The following PLEKHH1 variants were observed in gnomAD, a reference collection of about 807,000 sequenced individuals.
The protein encoded by PLEKHH1 is pleckstrin homology domain-containing family H member 1.
A neutral mutation model predicts 160.0 loss-of-function variants in PLEKHH1; 104 were observed. The observed-to-expected ratio is 0.65, with a 90% CI of 0.55 to 0.76. The LOEUF (loss-of-function observed/expected upper bound fraction) is 0.76. Ranked by LOEUF, PLEKHH1 falls within the 30% of genes least tolerant of loss-of-function variation. PLEKHH1 has a pLI of 0.00. For missense variants in PLEKHH1, 1,427 were observed against 1,724.1 expected, an observed-to-expected ratio of 0.83 and a Z score of 3.05; for synonymous variants, 619 against 678.4, an observed-to-expected ratio of 0.91 and a Z score of 1.36.
At chr14:67,586,222 G>C (rs2036155004) in intron 28 of PLEKHH1, 125 bp downstream of exon 28, 1 of 1,226,844 alleles carries the variant, frequency 8.2e-7, no homozygotes, top group Non-Finnish European at 1.2e-6. Context: ...TGTTGGTCTT[G>C]TCTGTAATTA....
At chr14:67,567,205 C>T (rs1343610558) in intron 7 of PLEKHH1, among the ~76,000 whole-genome samples, 1 of 152,148 alleles carries the variant, frequency 6.6e-6, no homozygotes, top group African/African-American at 2.4e-5. Context: ...CTCTCTCTCC[C>T]AGGCAGGACC....
chr14:67,576,252 G>C lies in PLEKHH1; in HGVS notation c.2353-143G>C. 1.6e-6 allele frequency: 1 copy of C among 619,786 alleles called. No homozygotes were observed. The highest frequency in any genetic ancestry group is 2.0e-5 in the South Asian group (1 of 49,740). 38.4% of individuals were successfully genotyped at this position (619,786 alleles called of 1,614,324 possible). A position where few individuals can be genotyped will look rare whatever the true frequency, so the allele number is the denominator to read the frequency against. On this transcript the variant is annotated intron_variant, in intron 16 of 28. Coordinates refer to ENST00000329153, the MANE Select transcript of PLEKHH1 (RefSeq NM_020715.3). This position sits in a 1 kb window ranked among gnomAD's most constrained non-coding sequence, Gnocchi z 4.0. ...TGGGTTCATGTTCACCTGATCCTCA[G>C]TCTTTCCAGGTAGCCCTGACTCATG...
At chr14:67,559,204 GT>G (rs903309577) in intron 4 of PLEKHH1, among the ~76,000 whole-genome samples, 2 of 149,792 alleles carry the variant, frequency 1.3e-5, no homozygotes, top group African/African-American at 4.9e-5. Context: ...TTATTTTTTT[GT>G]TTTTTAACTA....
At chr14:67,579,932 T>G (rs1309339353) in intron 22 of PLEKHH1, 56 bp downstream of exon 22, 1 of 1,502,800 alleles carries the variant, frequency 6.7e-7, no homozygotes, top group Admixed American at 2.0e-5. Flanking sequence ...ATATTGGTGG[T>G]GGGGAAAGAG....
chr14:67,555,692 T>G lies in PLEKHH1; in HGVS notation c.127-133T>G, dbSNP rs563962011. ...CTTGAAAATCCTTACCCTGACACTC[T>G]CGAGCCACTTGAGATGGGCACTTGA... On this transcript the variant is annotated intron_variant, in intron 2 of 28. Coordinates refer to ENST00000329153, the MANE Select transcript of PLEKHH1 (RefSeq NM_020715.3). 295 of 1,313,360 alleles carry G rather than the reference T, an allele frequency of 2.2e-4. No homozygotes were observed. In the African/African-American group the frequency reaches 4.0e-3, roughly 18 times the overall value. 81.4% of individuals were successfully genotyped at this position (1,313,360 alleles called of 1,614,324 possible). A position where few individuals can be genotyped will look rare whatever the true frequency, so the allele number is the denominator to read the frequency against.
chr14:67,566,439 G>A (rs560270350), intron 7 of PLEKHH1, among the ~76,000 whole-genome samples: 2 of 152,214 alleles, frequency 1.3e-5, no homozygotes, highest in Admixed American at 1.3e-4. Context: ...GCCATTCACT[G>A]TGATAGCTTA....
chr14:67,535,885 C>T (rs557185948), intron 1 of PLEKHH1, among the ~76,000 whole-genome samples: 18 of 152,186 alleles, frequency 1.2e-4, no homozygotes, highest in African/African-American at 1.4e-4. Flanking sequence ...GGTTAAATGA[C>T]GGTTTCATAT....
chr14:67,589,387 C>G lies in PLEKHH1; in HGVS notation c.*2152C>G. The G allele has an allele frequency of 1.0e-6, 1 of 985,076 alleles. No individual in the cohort carries two copies. The highest frequency in any genetic ancestry group is 1.2e-6 in the Non-Finnish European group (1 of 829,686). The allele number at this position is 985,076 out of a possible 1,614,324, so 61.0% of individuals were successfully genotyped here. A position where few individuals can be genotyped will look rare whatever the true frequency, so the allele number is the denominator to read the frequency against. On this transcript the variant is annotated 3_prime_UTR_variant, in exon 29 of 29. Transcript: ENST00000329153. The stretch of plus-strand genomic sequence containing the variant: ...AACCAAAGTCCAATTTCTGTCTGGC[C>G]TTTTGTCTCATCCTTCTTGGCAAAA...
Position 67,580,968 on chromosome 14 carries a change from G to A in PLEKHH1, c.3214G>A (p.Ala1072Thr), listed in dbSNP as rs781098083. The part of the protein sequence containing the change: ...ICDAISKWEQ[A>T]MKELHPGKSE... ...TGATGCCATCTCCAAGTGGGAACAA[G>A]CCATGAAGGAGCTGCACCCCGGAAA... Residue 1072 changes from alanine to threonine, a missense_variant, in exon 23 of 29, where the codon GCC (alanine) becomes ACC (threonine). Ala to Thr is a moderately conservative substitution (Grantham distance 58, BLOSUM62 0). This residue lies in a region of PLEKHH1 where 436 missense variants were observed against 607.5 expected (regional missense o/e 0.72). Coordinates refer to ENST00000329153, the MANE Select transcript of PLEKHH1 (RefSeq NM_020715.3). 13 of 1,613,318 alleles carry A rather than the reference G, an allele frequency of 8.1e-6. No individual in the cohort carries two copies. Among genetic ancestry groups the A allele is most frequent in the African/African-American group, 4.0e-5 (3 of 74,918 alleles).
chr14:67,574,316 C>A lies in PLEKHH1; in HGVS notation c.2001C>A (p.Leu667=), dbSNP rs752911418. The change falls in exon 14 of 29, where the codon CTC becomes CTA. Residue 667 remains leucine (L), a synonymous_variant. Transcript: ENST00000329153. The surrounding 1 kb of genome is among the most constrained non-coding windows in gnomAD (Gnocchi z 4.2). ...PSLLEEWIRV[L]QSLLKVQATG... ...TGCTGGAGGAGTGGATCCGAGTACT[C>A]CAGAGCCTGCTGAAGGTGCAGGCCA... 6.2e-7 allele frequency: 1 copy of A among 1,605,510 alleles called. No individual in the cohort carries two copies. The highest frequency in any genetic ancestry group is 8.5e-7 in the Non-Finnish European group (1 of 1,176,092).
At chr14:67,536,425 A>G (rs2033721195) in intron 1 of PLEKHH1, among the ~76,000 whole-genome samples, 1 of 151,820 alleles carries the variant, frequency 6.6e-6, no homozygotes. Context: ...TAGCAAGTGG[A>G]AGTCATACAG....
rs762222954 is a variant in PLEKHH1 at position 67,573,721 on chromosome 14, G to A, written c.1840-80G>A. 1.1e-6 allele frequency: 1 copy of A among 908,940 alleles called. No individual in the cohort carries two copies. The highest frequency in any genetic ancestry group is 1.9e-6 in the Non-Finnish European group (1 of 537,558). The allele number at this position is 908,940 out of a possible 1,614,324, so 56.3% of individuals were successfully genotyped here. ...CATGTTTCCCTTTGCTTATGACGTG[G>A]AGGAAGATCTGAGGGTAAATGAGGT... On this transcript the variant is annotated intron_variant, in intron 12 of 28. Coordinates refer to ENST00000329153, the MANE Select transcript of PLEKHH1 (RefSeq NM_020715.3). This position sits in a 1 kb window ranked among gnomAD's most constrained non-coding sequence, Gnocchi z 4.8.
chr14:67,570,369 A>G (rs2035313276), intron 9 of PLEKHH1: 1 of 847,404 alleles, frequency 1.2e-6, no homozygotes, highest in African/African-American at 1.8e-5. Context: ...CCGTAACGTC[A>G]CTACATTTTA....
At chr14:67,541,778 G>A (rs1293820325) in intron 1 of PLEKHH1, 56 bp from the exon 2 acceptor site, 2 of 1,245,828 alleles carry the variant, frequency 1.6e-6, no homozygotes, top group Non-Finnish European at 1.1e-6. Context: ...TTTCCCCACA[G>A]AACTCTTCCT....
intron 1 of PLEKHH1, among the ~76,000 whole-genome samples, chr14:67,538,030 A>G (rs2033809591): frequency 6.6e-6 from 1 of 152,184 alleles, no homozygotes; most frequent in African/African-American, 2.4e-5. Flanking sequence ...GCTGATCGTA[A>G]TTTTAGCGGG....
intron 23 of PLEKHH1, among the ~76,000 whole-genome samples, chr14:67,581,412 C>T (rs1221231315): frequency 6.6e-6 from 1 of 152,080 alleles, no homozygotes; most frequent in Non-Finnish European, 1.5e-5. Flanking sequence ...GTAGTCCCAG[C>T]TACTCAGGGG....
rs2034872144 is a variant in PLEKHH1 at position 67,562,210 on chromosome 14, A to G, written c.579A>G (p.Ser193=). The change falls in exon 7 of 29, where the codon TCA becomes TCG. Residue 193 remains serine (S), a synonymous_variant. Transcript: ENST00000329153. Reference sequence around the variant, plus strand: ...CTGCAGAGCAGGATTCTGTCCCTTCAGAGCCGGGAATCCAGCCTATGGGCC... The same window carrying G: ...CTGCAGAGCAGGATTCTGTCCCTTCGGAGCCGGGAATCCAGCCTATGGGCC... The part of the protein sequence containing the change: ...YGAAEQDSVP[S]EPGIQPMGQD... 1 of 1,611,666 alleles carries G rather than the reference A, an allele frequency of 6.2e-7. No homozygotes were observed. The highest frequency in any genetic ancestry group is 1.3e-5 in the African/African-American group (1 of 74,890).
At chr14:67,569,350 A>C (rs1205261939) in intron 8 of PLEKHH1, 134 bp downstream of exon 8, 1 of 617,282 alleles carries the variant, frequency 1.6e-6, no homozygotes, top group African/African-American at 1.8e-5. Context: ...CCAGCAGGTG[A>C]AGTTCAGGTG....
rs954195138 is a variant in PLEKHH1, at chr14:67,569,004, C to T, written c.1264-134C>T. The stretch of plus-strand genomic sequence containing the variant: ...AGTCTCAGAAATGAAGTAACTTGCC[C>T]AAGATTTGTTAGCCAGTCACTGCCC... On this transcript the variant is annotated intron_variant, in intron 7 of 28. Transcript: ENST00000329153. 4.1e-5 allele frequency: 25 copies of T among 604,000 alleles called. 1 individual carries two copies. The highest frequency in any genetic ancestry group is 4.1e-5 in the Non-Finnish European group (14 of 340,610). 37.4% of individuals were successfully genotyped at this position (604,000 alleles called of 1,614,324 possible).
Sources: allele counts gnomAD v4.1 joint callset (sites outside exome capture counted in the v4.1 genomes callset), GRCh38; gene constraint gnomAD v4.1.1; regional missense constraint gnomAD v4.1.1; non-coding constraint Gnocchi (gnomAD v3.1); transcripts MANE v1.5; gene names NCBI Gene and HGNC (gene_info 2026-07-23, HGNC 2026-07-21).